Variants in KSR2 observed in about 807,000 individuals in gnomAD.
KSR2 encodes the protein kinase suppressor of ras 2.
In KSR2, 25 loss-of-function variants were observed where a neutral mutation model predicts 107.8. The ratio of observed to expected loss-of-function variants is 0.23; its 90% CI spans 0.17 to 0.32. The LOEUF (loss-of-function observed/expected upper bound fraction) is 0.32. Among genes scored for constraint, KSR2 ranks in the 10% least tolerant of loss-of-function variants. KSR2 has a pLI of 1.00. For missense variants in KSR2, 887 were observed against 1,268.9 expected, an observed-to-expected ratio of 0.70 and a Z score of 4.57; for synonymous variants, 480 against 507.0, an observed-to-expected ratio of 0.95 and a Z score of 0.71.
At chr12:117,774,995 T>A (rs1251042335) in intron 3 of KSR2, among the ~76,000 whole-genome samples, 1 of 152,240 alleles carries the variant, frequency 6.6e-6, no homozygotes, top group Non-Finnish European at 1.5e-5. Context: ...TGTGTTGGTC[T>A]TTCCTTTCTT....
chr12:117,623,538 G>A (rs2136346812), intron 5 of KSR2, among the ~76,000 whole-genome samples: 1 of 152,308 alleles, frequency 6.6e-6, no homozygotes, highest in South Asian at 2.1e-4. Context: ...CTTAATCCAT[G>A]TCCCTGCAAA....
chr12:117,810,469 G>A (rs1231259210), intron 3 of KSR2, among the ~76,000 whole-genome samples: 1 of 152,064 alleles, frequency 6.6e-6, no homozygotes, highest in African/African-American at 2.4e-5. Flanking sequence ...GCATCATCAT[G>A]CCCAGCTAAT....
intron 4 of KSR2, among the ~76,000 whole-genome samples, chr12:117,734,289 A>C (rs1593181508): frequency 1.3e-5 from 2 of 151,962 alleles, no homozygotes; most frequent in East Asian, 3.9e-4. Context: ...TCAAAAAAAA[A>C]AAAAAAAAAA....
chr12:117,687,015 T>C lies in KSR2; in HGVS notation c.987-19357A>G, dbSNP rs1319838617. Reference sequence around the variant, plus strand: ...CCCAGGGCTAGTTGCTTAACCTCAGTGAGCTCTTAGCTTCCTCGCTTGTAA... The same window carrying C: ...CCCAGGGCTAGTTGCTTAACCTCAGCGAGCTCTTAGCTTCCTCGCTTGTAA... On this transcript the variant is annotated intron_variant, in intron 4 of 19. Coordinates refer to ENST00000339824, the MANE Select transcript of KSR2 (RefSeq NM_173598.6). Among the ~76,000 whole-genome samples the C allele has an allele frequency of 2.0e-5, 3 of 152,154 alleles. No homozygotes were observed. The East Asian group carries it at 5.8e-4, about 29-fold the overall frequency.
intron 6 of KSR2, among the ~76,000 whole-genome samples, chr12:117,580,788 G>C (rs529812736): frequency 5.9e-5 from 9 of 152,346 alleles, no homozygotes; most frequent in African/African-American, 1.9e-4. Flanking sequence ...GACGATCTAG[G>C]GGGTGGGGCT....
At chr12:117,527,173 A>G (rs1875231283) in intron 12 of KSR2, 54 bp from the exon 13 acceptor site, 1 of 1,344,902 alleles carries the variant, frequency 7.4e-7, no homozygotes, top group Non-Finnish European at 1.1e-6. Flanking sequence ...AGGTCTATAT[A>G]TTGAGTTTAG....
chr12:117,787,499 G>A (rs1192191364), intron 3 of KSR2, among the ~76,000 whole-genome samples: 1 of 152,004 alleles, frequency 6.6e-6, no homozygotes, highest in East Asian at 1.9e-4. Flanking sequence ...CGAGCACAGC[G>A]GCACATGCCT....
intron 1 of KSR2, among the ~76,000 whole-genome samples, chr12:117,927,146 C>A (rs191053598): frequency 6.6e-6 from 1 of 152,174 alleles, no homozygotes; most frequent in East Asian, 1.9e-4. Context: ...GAGGCCGAGG[C>A]GGGTGGATCC....
chr12:117,743,322 A>G (rs1218603471), intron 4 of KSR2, among the ~76,000 whole-genome samples: 1 of 152,258 alleles, frequency 6.6e-6, no homozygotes, highest in Non-Finnish European at 1.5e-5. Context: ...CAATGGCACG[A>G]TCTGTCTTGG....
rs1188716548 is a variant in KSR2 at position 117,457,401 on chromosome 12, C to T, written c.*9798G>A. ...GTTTTGGATGTCACACTTTGGATGT[C>T]AACTGGAGGCTTTTGAAATCCACCA... On this transcript the variant is annotated 3_prime_UTR_variant, in exon 20 of 20. Coordinates refer to ENST00000339824, the MANE Select transcript of KSR2 (RefSeq NM_173598.6). The T allele has an allele frequency of 6.6e-6, 1 of 152,094 alleles. No individual in the cohort carries two copies. The highest frequency in any genetic ancestry group is 1.5e-5 in the Non-Finnish European group (1 of 68,020). The allele number at this position is 152,094 out of a possible 1,614,324, so 9.4% of individuals were successfully genotyped here.
chr12:117,718,015 G>A (rs900125731), intron 4 of KSR2, among the ~76,000 whole-genome samples: 3 of 152,084 alleles, frequency 2.0e-5, no homozygotes, highest in Non-Finnish European at 4.4e-5. Flanking sequence ...AGATCCAACC[G>A]TACCTAAAGC....
At chr12:117,533,021 C>A (rs545293576) in intron 10 of KSR2, among the ~76,000 whole-genome samples, 1 of 152,208 alleles carries the variant, frequency 6.6e-6, no homozygotes, top group East Asian at 1.9e-4. Context: ...TGTAGAAGCT[C>A]CAAGTCTCAC....
chr12:117,556,256 A>G (rs1352562332), intron 8 of KSR2, among the ~76,000 whole-genome samples: 2 of 152,188 alleles, frequency 1.3e-5, no homozygotes, highest in African/African-American at 2.4e-5. Flanking sequence ...TCAGCCTCTG[A>G]AAGCCATCAC....
chr12:117,841,438 A>G (rs1892472296), intron 3 of KSR2, among the ~76,000 whole-genome samples: 1 of 152,126 alleles, frequency 6.6e-6, no homozygotes. Context: ...GTGCAGCCTA[A>G]TCTGCCCACC....
intron 1 of KSR2, 65 bp from the exon 2 acceptor site, chr12:117,860,496 A>AGAACCCCCTAC: frequency 6.7e-7 from 1 of 1,486,074 alleles, no homozygotes; most frequent in Non-Finnish European, 9.1e-7. Context: ...AAGAGAGGCG[A>AGAACCCCCTAC]GAACCCCCTA....
intron 1 of KSR2, among the ~76,000 whole-genome samples, chr12:117,936,509 A>T (rs1028320079): frequency 4.4e-5 from 3 of 67,788 alleles, no homozygotes; most frequent in African/African-American, 1.4e-4. Context: ...CATTATTATT[A>T]TTTTATTATT....
intron 8 of KSR2, 91 bp from the exon 9 acceptor site, chr12:117,555,384 AC>A: frequency 7.5e-7 from 1 of 1,337,038 alleles, no homozygotes. Context: ...CACCTCTTAG[AC>A]CCACCCTCCA....
Position 117,528,110 on chromosome 12 carries a change from T to C in KSR2, c.1803-991A>G, listed in dbSNP as rs575555558. 3.4e-4 allele frequency among the ~76,000 whole-genome samples: 52 copies of C among 152,184 alleles called. No homozygotes were observed. The South Asian group carries it at 8.9e-3, about 26-fold the overall frequency. On this transcript the variant is annotated intron_variant, in intron 12 of 19. Transcript: ENST00000339824. ...TGAGCACTGCATAGGTATTATGGGA[T>C]GTGCTTTGTGCAGGGTTGTCTTGTG... is the stretch of plus-strand genomic sequence containing the variant.
intron 16 of KSR2, among the ~76,000 whole-genome samples, chr12:117,478,420 A>T (rs575432202): frequency 1.4e-5 from 2 of 144,232 alleles, no homozygotes; most frequent in South Asian, 2.2e-4. Flanking sequence ...TAAACTTTTC[A>T]TTTTTTTTTT....
Sources: gnomAD v4.1 joint callset for allele counts (sites outside exome capture counted in the v4.1 genomes callset) on GRCh38, gnomAD v4.1.1 for gene constraint, MANE v1.5 for transcripts, NCBI Gene and HGNC (gene_info 2026-07-23, HGNC 2026-07-21) for gene names.